The following CD6 variants were observed in gnomAD, a reference collection of about 807,000 sequenced individuals.
The protein encoded by CD6 is T-cell differentiation antigen CD6.
CD6 carries 53 observed loss-of-function variants against 75.3 expected under a neutral mutation model. The observed-to-expected ratio is 0.70, with a 90% CI of 0.56 to 0.88. The LOEUF is 0.88. Ranked by LOEUF, CD6 falls within the 40% of genes least tolerant of loss-of-function variation. CD6 has a pLI of 0.00. For synonymous variants in CD6, 359 were observed against 381.5 expected, an observed-to-expected ratio of 0.94 and a Z score of 0.69; for missense variants, 770 against 897.1, an observed-to-expected ratio of 0.86 and a Z score of 1.81.
At chr11:61,001,032 C>T (rs761748034) in intron 1 of CD6, among the ~76,000 whole-genome samples, 14 of 152,136 alleles carry the variant, frequency 9.2e-5, no homozygotes, top group South Asian at 4.1e-4. Context: ...GAATTTGGGA[C>T]ACAACTAGAG....
chr11:61,008,884 C>T (rs372863624), intron 4 of CD6, 39 bp downstream of exon 4: 2 of 1,477,802 alleles, frequency 1.4e-6, no homozygotes, highest in Admixed American at 2.4e-5. Flanking sequence ...TCACTACCAA[C>T]ACTCACCATA....
In CD6 at chr11:61,019,322, G is replaced by A. The variant is rs770736616; in HGVS notation, c.*4G>A. ...CGATGACATCAGCGCAGCCTAGGCC[G>A]GGGCCAGCCGAGGCTCCTGGGGTGG... On this transcript the variant is annotated 3_prime_UTR_variant, in exon 13 of 13. Transcript: ENST00000313421. The A allele has an allele frequency of 2.9e-5, 47 of 1,604,422 alleles. No homozygotes were observed. The highest frequency in any genetic ancestry group is 3.7e-5 in the Non-Finnish European group (44 of 1,179,074).
intron 1 of CD6, among the ~76,000 whole-genome samples, chr11:60,996,543 G>A (rs1007507417): frequency 5.9e-5 from 9 of 152,220 alleles, no homozygotes; most frequent in African/African-American, 1.2e-4. Flanking sequence ...CCAGGGCCTC[G>A]GGAGGCGGGC....
chr11:61,015,840 G>C lies in CD6; in HGVS notation c.1510+5G>C. 1 of 1,613,976 alleles carries C rather than the reference G, an allele frequency of 6.2e-7. No homozygotes were observed. Among genetic ancestry groups the C allele is most frequent in the Non-Finnish European group, 8.5e-7 (1 of 1,179,948 alleles). ...TGGCCCTGACCACCTTCTACAGTGA[G>C]TGCCTGGCCGGGCTCCCGAGGGCCC... is the stretch of plus-strand genomic sequence containing the variant. On this transcript the variant is annotated splice_donor_5th_base_variant and intron_variant, in intron 9 of 12. Coordinates refer to ENST00000313421, the MANE Select transcript of CD6 (RefSeq NM_006725.5).
intron 1 of CD6, among the ~76,000 whole-genome samples, chr11:60,981,472 T>C (rs571603758): frequency 8.5e-4 from 130 of 152,308 alleles, no homozygotes; most frequent in African/African-American, 2.9e-3. Flanking sequence ...TGGGCCGTCA[T>C]GGAACTTTAT....
At chr11:61,016,529 C>T (rs1459332461) in intron 9 of CD6, among the ~76,000 whole-genome samples, 2 of 152,198 alleles carry the variant, frequency 1.3e-5, no homozygotes, top group Non-Finnish European at 2.9e-5. Context: ...TGGCAGGGGC[C>T]CAGGCCCCTT....
At position 61,011,107 on chromosome 11, in the gene CD6, C is replaced by T; in HGVS notation, c.1122C>T (p.Val374=). The part of the protein sequence containing the change: ...RSLHNLSTPE[V]PASVQTVTIE... ...TGCACAATCTGTCCACTCCCGAAGT[C>T]CCTGCAAGTGTTCAGACAGTCACTA... Residue 374 remains valine (V), a synonymous_variant, in exon 6 of 13, where the codon GTC becomes GTT. Transcript: ENST00000313421. 1.9e-6 allele frequency: 3 copies of T among 1,613,888 alleles called. No individual in the cohort carries two copies. The highest frequency in any genetic ancestry group is 2.5e-6 in the Non-Finnish European group (3 of 1,179,996).
chr11:61,009,975 G>C (rs545394915), intron 5 of CD6, 101 bp downstream of exon 5: 2 of 1,180,662 alleles, frequency 1.7e-6, no homozygotes, highest in Non-Finnish European at 1.2e-6. Flanking sequence ...GCACCAGATC[G>C]GCAATGGCAC....
chr11:61,019,418 T>G lies in CD6; in HGVS notation c.*100T>G. The G allele has an allele frequency of 1.1e-6, 1 of 900,280 alleles. No individual in the cohort carries two copies. Among genetic ancestry groups the G allele is most frequent in the Non-Finnish European group, 1.7e-6 (1 of 590,986 alleles). The allele number at this position is 900,280 out of a possible 1,614,324, so 55.8% of individuals were successfully genotyped here. On this transcript the variant is annotated 3_prime_UTR_variant, in exon 13 of 13. Coordinates refer to ENST00000313421, the MANE Select transcript of CD6 (RefSeq NM_006725.5). The stretch of plus-strand genomic sequence containing the variant: ...CCCACCCTCCCAGCTCACCTCCCCA[T>G]GGAGCTGAGAGGCCTCCCTTGGAGA...
Position 61,017,558 on chromosome 11 carries a change from A to G in CD6, c.1582+8A>G, listed in dbSNP as rs768718650. On this transcript the variant is annotated splice_region_variant and intron_variant, in intron 10 of 12. Coordinates refer to ENST00000313421, the MANE Select transcript of CD6 (RefSeq NM_006725.5). ...TGCCACCCTTGGAGGAAGGTGAGTC[A>G]GGATGGGAAGGGGTGTGAATGGCAG... 6.4e-7 allele frequency: 1 copy of G among 1,559,550 alleles called. No individual in the cohort carries two copies. Among genetic ancestry groups the G allele is most frequent in the Non-Finnish European group, 8.7e-7 (1 of 1,150,578 alleles).
At chr11:60,990,701 C>T (rs549730377) in intron 1 of CD6, among the ~76,000 whole-genome samples, 1 of 152,152 alleles carries the variant, frequency 6.6e-6, no homozygotes, top group African/African-American at 2.4e-5. Flanking sequence ...TGTGTGTACC[C>T]TTTTCTCCCA....
At chr11:61,017,242 G>A (rs1412186778) in intron 9 of CD6, 2 of 546,334 alleles carry the variant, frequency 3.7e-6, no homozygotes, top group South Asian at 2.1e-5. Flanking sequence ...GGGGCTGGGG[G>A]CTGGGGGGTT....
intron 1 of CD6, among the ~76,000 whole-genome samples, chr11:60,990,255 C>T (rs115145840): frequency 0.012 from 1,841 of 152,274 alleles, 37 homozygotes; most frequent in African/African-American, 0.042. Flanking sequence ...GATGGTGTCT[C>T]GCACTGTCAC....
intron 1 of CD6, among the ~76,000 whole-genome samples, chr11:60,976,854 T>G (rs763188428): frequency 1.3e-5 from 2 of 152,248 alleles, no homozygotes; most frequent in African/African-American, 2.4e-5. Context: ...ATTGTTTGAT[T>G]GGACTGAATT....
At chr11:60,991,144 T>C (rs1245794579) in intron 1 of CD6, among the ~76,000 whole-genome samples, 1 of 96,580 alleles carries the variant, frequency 1.0e-5, no homozygotes, top group Non-Finnish European at 1.9e-5. Flanking sequence ...CTTTTCTTTT[T>C]CTTTCTTTTT....
chr11:60,991,396 A>G (rs977050564), intron 1 of CD6, among the ~76,000 whole-genome samples: 27 of 149,980 alleles, frequency 1.8e-4, no homozygotes, highest in Admixed American at 9.3e-4. Flanking sequence ...CAGGTGATAC[A>G]CCCGCCTCAG....
intron 1 of CD6, among the ~76,000 whole-genome samples, chr11:60,974,034 C>T (rs1220323417): frequency 1.3e-5 from 2 of 152,134 alleles, no homozygotes; most frequent in Non-Finnish European, 2.9e-5. Flanking sequence ...CAAGGTTGAC[C>T]CACATCTGCT....
intron 1 of CD6, among the ~76,000 whole-genome samples, chr11:60,981,593 T>A (rs1857560412): frequency 6.6e-6 from 1 of 152,196 alleles, no homozygotes; most frequent in South Asian, 2.1e-4. Flanking sequence ...CCCCAGATGT[T>A]GGCGGTGACA....
chr11:61,008,881 C>T lies in CD6; in HGVS notation c.781+36C>T, dbSNP rs749181747. On this transcript the variant is annotated intron_variant, in intron 4 of 12. Coordinates refer to ENST00000313421, the MANE Select transcript of CD6 (RefSeq NM_006725.5). ...GGAGTCACTGAAGCCCGGTCACTAC[C>T]AACACTCACCATAGGCCTACTGGGC... 6 of 1,478,364 alleles carry T rather than the reference C, an allele frequency of 4.1e-6. No individual in the cohort carries two copies. In the Admixed American group the frequency reaches 7.1e-5, roughly 18 times the overall value. The allele number at this position is 1,478,364 out of a possible 1,614,324, so 91.6% of individuals were successfully genotyped here. A position where few individuals can be genotyped will look rare whatever the true frequency, so the allele number is the denominator to read the frequency against.
Sources: allele counts gnomAD v4.1 joint callset (sites outside exome capture counted in the v4.1 genomes callset), GRCh38; gene constraint gnomAD v4.1.1; transcripts MANE v1.5; gene names NCBI Gene and HGNC (gene_info 2026-07-23, HGNC 2026-07-21).